GPC6: variants seen among roughly 807,000 people sequenced by gnomAD.
The protein encoded by GPC6 is glypican 6.
In GPC6, 14 loss-of-function variants were observed where a neutral mutation model predicts 55.2. The ratio of observed to expected loss-of-function variants is 0.25; its 90% CI spans 0.17 to 0.40. The LOEUF is 0.40. GPC6 is among the 10% of genes least tolerant of loss of function. GPC6 has a pLI of 1.00. For missense variants in GPC6, 641 were observed against 708.5 expected, an observed-to-expected ratio of 0.90 and a Z score of 1.08; for synonymous variants, 278 against 259.6, an observed-to-expected ratio of 1.07 and a Z score of -0.68.
intron 1 of GPC6, among the ~76,000 whole-genome samples, chr13:93,278,685 A>C (rs1877846095): frequency 6.6e-6 from 1 of 152,234 alleles, no homozygotes; most frequent in Non-Finnish European, 1.5e-5. Context: ...CAGTAAAATA[A>C]TAAAGCAAAG....
intron 2 of GPC6, among the ~76,000 whole-genome samples, chr13:93,799,992 T>C (rs148458106): frequency 6.8e-6 from 1 of 146,922 alleles, no homozygotes; most frequent in East Asian, 2.0e-4. Flanking sequence ...ACAGACATCA[T>C]CCTTCAACTC....
At chr13:94,312,443 C>T (rs530398640) in intron 6 of GPC6, among the ~76,000 whole-genome samples, 1 of 152,292 alleles carries the variant, frequency 6.6e-6, no homozygotes, top group South Asian at 2.1e-4. Context: ...TTCCATGCCT[C>T]TTTGGGGCTG....
chr13:93,980,843 G>A (rs2140404536), intron 3 of GPC6, among the ~76,000 whole-genome samples: 1 of 152,160 alleles, frequency 6.6e-6, no homozygotes, highest in South Asian at 2.1e-4. Context: ...CCATATCTGT[G>A]CTGGCCCCAT....
At chr13:94,180,112 G>A (rs1173711082) in intron 4 of GPC6, among the ~76,000 whole-genome samples, 1 of 152,142 alleles carries the variant, frequency 6.6e-6, no homozygotes, top group Non-Finnish European at 1.5e-5. Flanking sequence ...TGGAAAGGGA[G>A]TAGAGAGGGT....
chr13:93,981,340 C>T (rs1880796651), intron 3 of GPC6, among the ~76,000 whole-genome samples: 2 of 152,110 alleles, frequency 1.3e-5, no homozygotes, highest in Admixed American at 6.5e-5. Flanking sequence ...CAAAATACCT[C>T]ATATTTTTAA....
intron 2 of GPC6, among the ~76,000 whole-genome samples, chr13:93,671,697 G>A (rs368259041): frequency 4.6e-5 from 7 of 151,986 alleles, no homozygotes; most frequent in Middle Eastern, 3.4e-3. Flanking sequence ...TCACCACAGC[G>A]GGTACCAAAT....
intron 2 of GPC6, among the ~76,000 whole-genome samples, chr13:93,748,301 G>A (rs961656814): frequency 9.2e-5 from 14 of 152,092 alleles, no homozygotes; most frequent in Non-Finnish European, 1.9e-4. Flanking sequence ...AATGAGGTGA[G>A]GGAGACAGTT....
rs79140016 is a variant in GPC6, at chr13:93,953,359, C to T, written c.712-74370C>T. ...CTGAATGGTTGCCTCCTACTTTCCC[C>T]TTCAGACTGGGGTTTTCAGTCCATC... is the stretch of plus-strand genomic sequence containing the variant. On this transcript the variant is annotated intron_variant, in intron 3 of 8. Coordinates refer to ENST00000377047, the MANE Select transcript of GPC6 (RefSeq NM_005708.5). 3.7e-3 allele frequency among the ~76,000 whole-genome samples: 562 copies of T among 152,244 alleles called. 5 individuals carry two copies. The highest frequency in any genetic ancestry group is 0.013 in the African/African-American group (535 of 41,540).
At chr13:93,516,881 C>G (rs924132321) in intron 1 of GPC6, among the ~76,000 whole-genome samples, 3 of 152,052 alleles carry the variant, frequency 2.0e-5, no homozygotes, top group African/African-American at 7.2e-5. Flanking sequence ...GCAGCAGTCT[C>G]TTTGAATTAG....
chr13:93,592,721 T>C (rs1877550177), intron 2 of GPC6, among the ~76,000 whole-genome samples: 1 of 152,016 alleles, frequency 6.6e-6, no homozygotes, highest in Admixed American at 6.6e-5. Flanking sequence ...TAGAGAAATA[T>C]ATAACAAATT....
At chr13:93,439,519 C>T (rs145158087) in intron 1 of GPC6, among the ~76,000 whole-genome samples, 16 of 152,024 alleles carry the variant, frequency 1.1e-4, no homozygotes, top group East Asian at 7.7e-4. Context: ...CCAGCTATGT[C>T]GAACTGTGAG....
At chr13:93,324,115 A>G (rs1397659282) in intron 1 of GPC6, among the ~76,000 whole-genome samples, 1 of 152,222 alleles carries the variant, frequency 6.6e-6, no homozygotes, top group Non-Finnish European at 1.5e-5. Context: ...TCAGCCATTA[A>G]AAAAGAATAA....
chr13:93,762,940 C>T lies in GPC6; in HGVS notation c.320-67214C>T, dbSNP rs150539866. 3.4e-3 allele frequency among the ~76,000 whole-genome samples: 514 copies of T among 152,266 alleles called. 1 individual carries two copies. The highest frequency in any genetic ancestry group is 5.8e-3 in the Non-Finnish European group (394 of 68,002). On this transcript the variant is annotated intron_variant, in intron 2 of 8. Coordinates refer to ENST00000377047, the MANE Select transcript of GPC6 (RefSeq NM_005708.5). ...TTGCATAAATCCTTCAGCTGAGATA[C>T]GACTGACAAGCTGTGAGTAATAGAG...
chr13:94,290,763 T>G (rs1030207148), intron 5 of GPC6, among the ~76,000 whole-genome samples: 1 of 152,250 alleles, frequency 6.6e-6, no homozygotes, highest in Non-Finnish European at 1.5e-5. Context: ...TCAGATGGGC[T>G]ATTTATTACT....
chr13:94,181,885 G>T (rs552315524), intron 4 of GPC6, among the ~76,000 whole-genome samples: 1 of 152,120 alleles, frequency 6.6e-6, no homozygotes, highest in East Asian at 1.9e-4. Flanking sequence ...CATTAGTCCT[G>T]GTTAATCTTT....
intron 1 of GPC6, among the ~76,000 whole-genome samples, chr13:93,379,644 A>G (rs531770955): frequency 1.1e-3 from 167 of 152,300 alleles, no homozygotes; most frequent in African/African-American, 3.9e-3. Context: ...TATGTAGGCT[A>G]GGAAATCTCT....
At chr13:93,524,701 T>C (rs1329520535) in intron 1 of GPC6, among the ~76,000 whole-genome samples, 2 of 152,150 alleles carry the variant, frequency 1.3e-5, no homozygotes, top group African/African-American at 2.4e-5. Flanking sequence ...TTCATCGTTA[T>C]GTTTGAAGCT....
chr13:93,584,296 A>G (rs1284459270), intron 2 of GPC6, among the ~76,000 whole-genome samples: 2 of 152,060 alleles, frequency 1.3e-5, no homozygotes, highest in Non-Finnish European at 2.9e-5. Flanking sequence ...TGGGAATGCT[A>G]CTCTATATTG....
At chr13:94,058,984 C>G (rs1237374916) in intron 4 of GPC6, among the ~76,000 whole-genome samples, 129 of 152,136 alleles carry the variant, frequency 8.5e-4, no homozygotes, top group Middle Eastern at 3.4e-3. Flanking sequence ...ATTTTAAGCA[C>G]AAGGGTTAGC....
Sources: allele counts gnomAD v4.1 joint callset (sites outside exome capture counted in the v4.1 genomes callset), GRCh38; gene constraint gnomAD v4.1.1; transcripts MANE v1.5; gene names NCBI Gene and HGNC (gene_info 2026-07-23, HGNC 2026-07-21).